The following SGCZ variants were observed in gnomAD, a reference collection of about 807,000 sequenced individuals.
The protein encoded by SGCZ is zeta-sarcoglycan.
A neutral mutation model predicts 41.3 loss-of-function variants in SGCZ; 40 were observed. The observed-to-expected ratio is 0.97, with a 90% CI of 0.75 to 1.26. The LOEUF is 1.26. Ranked by LOEUF, SGCZ falls within the 50% of genes most tolerant of loss-of-function variation. SGCZ has a pLI of 0.00. For missense variants in SGCZ, 552 were observed against 369.8 expected (o/e 1.49, Z -4.04); for synonymous variants, 206 against 137.5 (o/e 1.50, Z -3.49).
chr8:14,623,472 G>A (rs1262407733), intron 1 of SGCZ, among the ~76,000 whole-genome samples: 6 of 152,070 alleles, frequency 3.9e-5, no homozygotes, highest in Admixed American at 3.9e-4. Flanking sequence ...TTGTTTTTCT[G>A]GATAATAGGA....
At chr8:15,182,976 C>T (rs1800222457) in intron 1 of SGCZ, among the ~76,000 whole-genome samples, 1 of 152,144 alleles carries the variant, frequency 6.6e-6, no homozygotes, top group Non-Finnish European at 1.5e-5. Context: ...AAGACACACA[C>T]ACATTGGCTT....
intron 3 of SGCZ, among the ~76,000 whole-genome samples, chr8:14,311,816 A>C (rs934280857): frequency 1.3e-5 from 2 of 152,082 alleles, no homozygotes; most frequent in African/African-American, 4.8e-5. Context: ...GTATGTAAAT[A>C]CACTGTAATA....
At chr8:14,618,478 G>T (rs903525701) in intron 1 of SGCZ, among the ~76,000 whole-genome samples, 4 of 152,130 alleles carry the variant, frequency 2.6e-5, no homozygotes, top group South Asian at 2.1e-4. Context: ...TATTCCAAGG[G>T]CAGCAAAGAT....
intron 4 of SGCZ, 101 bp from the exon 5 acceptor site, chr8:14,164,803 G>A (rs1157964411): frequency 1.5e-6 from 2 of 1,352,388 alleles, no homozygotes; most frequent in Non-Finnish European, 2.0e-6. Context: ...TATTTAATTT[G>A]TTTATCTCTG....
chr8:14,877,136 G>C (rs1804392478), intron 1 of SGCZ, among the ~76,000 whole-genome samples: 1 of 152,072 alleles, frequency 6.6e-6, no homozygotes, highest in African/African-American at 2.4e-5. Context: ...ACCATGCCCA[G>C]CTAACTTTTG....
At chr8:14,773,107 A>G (rs1412421410) in intron 1 of SGCZ, among the ~76,000 whole-genome samples, 1 of 152,116 alleles carries the variant, frequency 6.6e-6, no homozygotes, top group Non-Finnish European at 1.5e-5. Context: ...CTGACTTTTT[A>G]ATGATCACCA....
At chr8:14,644,049 A>C (rs913910800) in intron 1 of SGCZ, among the ~76,000 whole-genome samples, 1 of 151,808 alleles carries the variant, frequency 6.6e-6, no homozygotes, top group Non-Finnish European at 1.5e-5. Context: ...GATAACTTGA[A>C]ATAAGAATGA....
intron 3 of SGCZ, among the ~76,000 whole-genome samples, chr8:14,270,075 T>C: frequency 6.6e-6 from 1 of 152,156 alleles, no homozygotes; most frequent in East Asian, 1.9e-4. Context: ...TTCACGCCTA[T>C]AATCCCGGCA....
At chr8:14,475,308 T>G (rs1801326546) in intron 2 of SGCZ, among the ~76,000 whole-genome samples, 1 of 152,168 alleles carries the variant, frequency 6.6e-6, no homozygotes, top group Non-Finnish European at 1.5e-5. Flanking sequence ...AAAAGAATTG[T>G]GGAGTTGCTG....
chr8:14,686,315 C>A (rs904373734), intron 1 of SGCZ, among the ~76,000 whole-genome samples: 1 of 151,778 alleles, frequency 6.6e-6, no homozygotes. Context: ...TTGAAATATA[C>A]AATATAGTAA....
intron 1 of SGCZ, among the ~76,000 whole-genome samples, chr8:15,105,388 C>G (rs1470039155): frequency 1.3e-5 from 2 of 152,084 alleles, no homozygotes; most frequent in Non-Finnish European, 2.9e-5. Flanking sequence ...TTAATTGACT[C>G]AAAGTTCCAC....
At chr8:14,615,895 T>A (rs573640798) in intron 1 of SGCZ, among the ~76,000 whole-genome samples, 1 of 152,194 alleles carries the variant, frequency 6.6e-6, no homozygotes, top group African/African-American at 2.4e-5. Flanking sequence ...TTCTCTCCTA[T>A]CTCATTCCAC....
chr8:15,127,833 G>T lies in SGCZ; in HGVS notation c.39+109752C>A, dbSNP rs1460234507. ...AATTCCAAAGGAGAGAAACCTAAAA[G>T]AACCTAATTTTTACATTTCCAGTTT... On this transcript the variant is annotated intron_variant, in intron 1 of 7. Transcript: ENST00000382080. Among the ~76,000 whole-genome samples the T allele has an allele frequency of 5.3e-5, 8 of 152,030 alleles. No homozygotes were observed. In the East Asian group the frequency reaches 1.5e-3, roughly 29 times the overall value.
chr8:14,563,179 C>A (rs1804259230), intron 1 of SGCZ, among the ~76,000 whole-genome samples: 1 of 152,170 alleles, frequency 6.6e-6, no homozygotes, highest in Non-Finnish European at 1.5e-5. Flanking sequence ...TTACCCCAAG[C>A]TTGCTCTGTG....
intron 1 of SGCZ, among the ~76,000 whole-genome samples, chr8:14,916,485 G>A (rs1799442533): frequency 6.6e-6 from 1 of 152,152 alleles, no homozygotes; most frequent in Non-Finnish European, 1.5e-5. Context: ...TGTTTTTTCA[G>A]GAATGCTCCA....
At chr8:14,288,464 C>T (rs1171511304) in intron 3 of SGCZ, among the ~76,000 whole-genome samples, 3 of 152,066 alleles carry the variant, frequency 2.0e-5, no homozygotes, top group Non-Finnish European at 4.4e-5. Context: ...CACTGGTAAC[C>T]TCTAACCTGC....
rs189668064 is a variant in SGCZ at position 14,786,893 on chromosome 8, C to T, written c.40-231967G>A. Among the ~76,000 whole-genome samples, 229 of 151,298 alleles carry T rather than the reference C, an allele frequency of 1.5e-3. 1 individual carries two copies. Among genetic ancestry groups the T allele is most frequent in the Middle Eastern group, 6.9e-3 (2 of 290 alleles). On this transcript the variant is annotated intron_variant, in intron 1 of 7. Transcript: ENST00000382080. ...TAAGTAAGTCTTAGATAAAGACAGCCCCCATACAACCATGCTGTATGATAA... is the reference window on the plus strand; with the variant it reads ...TAAGTAAGTCTTAGATAAAGACAGCTCCCATACAACCATGCTGTATGATAA...
intron 2 of SGCZ, among the ~76,000 whole-genome samples, chr8:14,543,213 C>T (rs1016825495): frequency 6.6e-6 from 1 of 151,968 alleles, no homozygotes; most frequent in Admixed American, 6.6e-5. Context: ...TGGTTTCTTG[C>T]TCCTAATACT....
At chr8:14,766,324 G>T (rs1800033229) in intron 1 of SGCZ, among the ~76,000 whole-genome samples, 1 of 152,002 alleles carries the variant, frequency 6.6e-6, no homozygotes, top group Admixed American at 6.6e-5. Context: ...ATATTATAAG[G>T]TTGACTTGGG....
Sources: gnomAD v4.1 joint callset for allele counts (sites outside exome capture counted in the v4.1 genomes callset) on GRCh38, gnomAD v4.1.1 for gene constraint, MANE v1.5 for transcripts, NCBI Gene and HGNC (gene_info 2026-07-23, HGNC 2026-07-21) for gene names.